MTUS1: variants seen among roughly 807,000 people sequenced by gnomAD.
MTUS1 encodes the protein microtubule-associated tumor suppressor 1.
In MTUS1, 109 loss-of-function variants were observed where a neutral mutation model predicts 120.8. The ratio of observed to expected loss-of-function variants is 0.90; its 90% CI spans 0.77 to 1.06. The LOEUF is 1.06. Ranked by LOEUF, MTUS1 falls within the 50% of genes least tolerant of loss-of-function variation. The pLI, the probability that MTUS1 is intolerant of heterozygous loss-of-function variation, is 0.00. For synonymous variants in MTUS1, 737 were observed against 550.5 expected, an observed-to-expected ratio of 1.34 and a Z score of -4.74; for missense variants, 2,210 against 1,486.3, an observed-to-expected ratio of 1.49 and a Z score of -8.01.
chr8:17,743,903 T>TA (rs1751282384), intron 2 of MTUS1, 104 bp from the exon 3 acceptor site: 2 of 987,620 alleles, frequency 2.0e-6, no homozygotes, highest in Admixed American at 2.7e-5. Context: ...CAAAGAAACC[T>TA]AAAAAACAAG....
intron 8 of MTUS1, chr8:17,674,768 A>T: frequency 3.0e-6 from 3 of 1,004,912 alleles, no homozygotes; most frequent in Non-Finnish European, 3.6e-6. Flanking sequence ...TTTCAACTTC[A>T]TACTCACTAC....
intron 6 of MTUS1, among the ~76,000 whole-genome samples, chr8:17,705,266 G>C (rs1023854931): frequency 6.6e-6 from 1 of 152,198 alleles, no homozygotes; most frequent in Non-Finnish European, 1.5e-5. Context: ...TTACAGGCGT[G>C]AGCCACCATG....
intron 1 of MTUS1, among the ~76,000 whole-genome samples, chr8:17,797,430 A>G (rs966284309): frequency 1.2e-5 from 1 of 81,218 alleles, no homozygotes; most frequent in Admixed American, 1.3e-4. Context: ...AAAATAAAAT[A>G]AAATAAAATA....
chr8:17,705,922 G>A (rs1183856327), intron 6 of MTUS1: 2 of 152,292 alleles, frequency 1.3e-5, no homozygotes, highest in East Asian at 1.9e-4. Context: ...TAGAACCAAG[G>A]TAATAATAGT....
chr8:17,755,981 T>C lies in MTUS1; in HGVS notation c.-154-20A>G. The C allele has an allele frequency of 7.2e-7, 1 of 1,386,028 alleles. No homozygotes were observed. Among genetic ancestry groups the C allele is most frequent in the South Asian group, 1.7e-5 (1 of 60,556 alleles). The allele number at this position is 1,386,028 out of a possible 1,614,324, so 85.9% of individuals were successfully genotyped here. A position where few individuals can be genotyped will look rare whatever the true frequency, so the allele number is the denominator to read the frequency against. ...TGTTCCCTGGAAGAAATAAAATGTTTAACTCAAGTAACTATAAGAAAAATT... is the reference window on the plus strand; with the variant it reads ...TGTTCCCTGGAAGAAATAAAATGTTCAACTCAAGTAACTATAAGAAAAATT... On this transcript the variant is annotated intron_variant, in intron 1 of 14. Coordinates refer to ENST00000693296, the MANE Select transcript of MTUS1 (RefSeq NM_001363059.2).
At chr8:17,706,223 C>T (rs1317130100) in intron 6 of MTUS1, 3 of 152,044 alleles carry the variant, frequency 2.0e-5, no homozygotes, top group African/African-American at 4.8e-5. Context: ...TATTTGAGAA[C>T]CTTTTATAAA....
intron 3 of MTUS1, among the ~76,000 whole-genome samples, chr8:17,726,282 C>G (rs1017826753): frequency 1.3e-5 from 2 of 152,166 alleles, no homozygotes; most frequent in African/African-American, 4.8e-5. Context: ...GAATCAGGAC[C>G]TCTCTGTGAG....
At chr8:17,751,903 A>G (rs1201937086) in intron 2 of MTUS1, among the ~76,000 whole-genome samples, 2 of 151,852 alleles carry the variant, frequency 1.3e-5, no homozygotes, top group Non-Finnish European at 2.9e-5. Flanking sequence ...AAAAAAGAAA[A>G]AAGAGTCCCT....
intron 3 of MTUS1, among the ~76,000 whole-genome samples, chr8:17,731,513 G>A (rs1424430441): frequency 3.3e-5 from 5 of 152,050 alleles, no homozygotes; most frequent in African/African-American, 9.7e-5. Context: ...GGATTACAAC[G>A]CAAAGGGCTT....
At chr8:17,768,121 T>A (rs888554198) in intron 1 of MTUS1, among the ~76,000 whole-genome samples, 2 of 152,204 alleles carry the variant, frequency 1.3e-5, no homozygotes, top group African/African-American at 4.8e-5. Flanking sequence ...CATTAATATT[T>A]AAAGAAGGAA....
intron 1 of MTUS1, among the ~76,000 whole-genome samples, chr8:17,760,374 G>A (rs912040716): frequency 7.9e-5 from 12 of 152,000 alleles, no homozygotes; most frequent in Non-Finnish European, 1.3e-4. Flanking sequence ...AAAAATAGTG[G>A]TACAGGGATT....
At chr8:17,702,183 C>T (rs1819233017) in intron 6 of MTUS1, among the ~76,000 whole-genome samples, 1 of 152,166 alleles carries the variant, frequency 6.6e-6, no homozygotes, top group African/African-American at 2.4e-5. Flanking sequence ...TCTGCTACAG[C>T]TGCTGTAATT....
chr8:17,745,121 A>T (rs1239006480), intron 2 of MTUS1, among the ~76,000 whole-genome samples: 2 of 152,172 alleles, frequency 1.3e-5, no homozygotes, highest in African/African-American at 2.4e-5. Flanking sequence ...TTCATTAACA[A>T]AATTTTAATC....
Position 17,650,899 on chromosome 8 carries a change from C to T in MTUS1, c.3385-937G>A, listed in dbSNP as rs151025379. ...TGATCAGATATGTTTAATGAAGCAA[C>T]GTCTTAGGTAAGAGTCGGTGGTGTG... On this transcript the variant is annotated intron_variant, in intron 12 of 14. Transcript: ENST00000693296. Among the ~76,000 whole-genome samples the T allele has an allele frequency of 5.7e-3, 866 of 152,292 alleles. 9 individuals are homozygous for T. The highest frequency in any genetic ancestry group is 6.8e-3 in the Non-Finnish European group (464 of 68,032).
At chr8:17,715,980 G>C (rs1822252540) in intron 4 of MTUS1, 79 bp from the exon 5 acceptor site, 1 of 1,380,744 alleles carries the variant, frequency 7.2e-7, no homozygotes, top group Non-Finnish European at 9.9e-7. Context: ...CTTTGTCCTT[G>C]AACCAACAAA....
At chr8:17,730,327 C>CA (rs1179226439) in intron 3 of MTUS1, among the ~76,000 whole-genome samples, 1 of 151,882 alleles carries the variant, frequency 6.6e-6, no homozygotes, top group Non-Finnish European at 1.5e-5. Flanking sequence ...ACTAAAAATA[C>CA]AAAAAACATT....
chr8:17,709,821 C>G (rs1390008843), intron 6 of MTUS1, among the ~76,000 whole-genome samples: 1 of 151,928 alleles, frequency 6.6e-6, no homozygotes, highest in Non-Finnish European at 1.5e-5. Flanking sequence ...ATCTGGCTAA[C>G]ACGGTGAAAC....
chr8:17,651,193 G>GGAGGT (rs1476719966), intron 12 of MTUS1, among the ~76,000 whole-genome samples: 2 of 152,240 alleles, frequency 1.3e-5, no homozygotes, highest in Admixed American at 1.3e-4. Context: ...GTGTATGGTG[G>GGAGGT]GAGGTGGGGT....
At chr8:17,732,172 C>T (rs574320364) in intron 3 of MTUS1, among the ~76,000 whole-genome samples, 1 of 152,316 alleles carries the variant, frequency 6.6e-6, no homozygotes, top group South Asian at 2.1e-4. Context: ...GACAAAGCCA[C>T]ATGCTGATGT....
Sources: allele counts gnomAD v4.1 joint callset (sites outside exome capture counted in the v4.1 genomes callset), GRCh38; gene constraint gnomAD v4.1.1; transcripts MANE v1.5; gene names NCBI Gene and HGNC (gene_info 2026-07-23, HGNC 2026-07-21).